CDIN1: variants seen among roughly 807,000 people sequenced by gnomAD.
CDIN1 encodes CDAN1-interacting nuclease 1.
Under a neutral mutation model 45.3 loss-of-function variants are expected in CDIN1, and 33 were observed. The observed-to-expected ratio is 0.73, with a 90% CI of 0.55 to 0.97. The LOEUF (loss-of-function observed/expected upper bound fraction) is 0.97. CDIN1 is among the 50% of genes least tolerant of loss of function. The pLI is 0.00. For synonymous variants in CDIN1, 118 were observed against 124.4 expected (o/e 0.95, Z 0.34); for missense variants, 303 against 339.4 (o/e 0.89, Z 0.84).
chr15:36,620,879 A>G (rs1454428017), intron 1 of CDIN1, among the ~76,000 whole-genome samples: 1 of 152,166 alleles, frequency 6.6e-6, no homozygotes, highest in Non-Finnish European at 1.5e-5. Flanking sequence ...CACCCAAAAA[A>G]TACAGTTTGG....
In CDIN1 at chr15:36,740,686, C is replaced by T. The variant is rs537636120; in HGVS notation, c.716+30725C>T. ...GGTGGATCACCCGAGGTCGGGAGTT[C>T]GAGACCAGCCTGACCAACACGGAGA... On this transcript the variant is annotated intron_variant, in intron 10 of 10. Transcript: ENST00000566621. Among the ~76,000 whole-genome samples the T allele has an allele frequency of 9.5e-4, 144 of 152,152 alleles. 1 individual carries two copies. The highest frequency in any genetic ancestry group is 3.3e-3 in the African/African-American group (139 of 41,508).
intron 1 of CDIN1, among the ~76,000 whole-genome samples, chr15:36,605,171 C>T (rs1230933361): frequency 3.3e-5 from 5 of 151,968 alleles, no homozygotes; most frequent in South Asian, 2.1e-4. Context: ...GTACTATAGC[C>T]GTGAAATCAC....
chr15:36,705,474 G>T (rs1321605665), intron 8 of CDIN1: 6 of 152,158 alleles, frequency 3.9e-5, no homozygotes, highest in African/African-American at 7.2e-5. Context: ...CAACTTGGTT[G>T]ACATGGGCAC....
At chr15:36,792,681 G>C (rs143198513) in intron 10 of CDIN1, among the ~76,000 whole-genome samples, 23 of 152,246 alleles carry the variant, frequency 1.5e-4, no homozygotes, top group South Asian at 1.0e-3. Context: ...AGCTGCAGTA[G>C]ATACTTTGGT....
intron 10 of CDIN1, among the ~76,000 whole-genome samples, chr15:36,745,577 G>A (rs1638303362): frequency 6.6e-6 from 1 of 151,750 alleles, no homozygotes. Flanking sequence ...TTGATTTTAG[G>A]CATCTATCAA....
chr15:36,718,226 C>T (rs1182557566), intron 10 of CDIN1, among the ~76,000 whole-genome samples: 1 of 152,020 alleles, frequency 6.6e-6, no homozygotes, highest in African/African-American at 2.4e-5. Flanking sequence ...GTTCCATCAT[C>T]GGTTTGTCTA....
intron 5 of CDIN1, among the ~76,000 whole-genome samples, chr15:36,678,300 C>G (rs773087878): frequency 1.4e-4 from 22 of 152,318 alleles, no homozygotes; most frequent in Middle Eastern, 3.4e-3. Flanking sequence ...AAGACACTGG[C>G]AGGTCAACCC....
intron 10 of CDIN1, among the ~76,000 whole-genome samples, chr15:36,780,840 C>A (rs2054332960): frequency 6.6e-6 from 1 of 152,130 alleles, no homozygotes; most frequent in Admixed American, 6.5e-5. Flanking sequence ...CAACACACGT[C>A]CAACTCCAAG....
chr15:36,789,721 T>C (rs1284128204), intron 10 of CDIN1, among the ~76,000 whole-genome samples: 1 of 152,178 alleles, frequency 6.6e-6, no homozygotes, highest in East Asian at 1.9e-4. Context: ...ATGTCCTTCC[T>C]CCTCGTGAAA....
chr15:36,654,041 A>G, intron 3 of CDIN1, 57 bp from the exon 4 acceptor site: 2 of 1,318,736 alleles, frequency 1.5e-6, no homozygotes, highest in Non-Finnish European at 2.1e-6. Flanking sequence ...GGATGCTGAC[A>G]AGTCTATGCT....
intron 5 of CDIN1, 43 bp from the exon 6 acceptor site, chr15:36,691,642 T>C: frequency 7.7e-7 from 1 of 1,291,938 alleles, no homozygotes; most frequent in Non-Finnish European, 1.1e-6. Context: ...GCATTAAAAG[T>C]ATGTTGACTA....
chr15:36,618,826 G>A, intron 1 of CDIN1: 1 of 808,270 alleles, frequency 1.2e-6, no homozygotes, highest in Non-Finnish European at 2.2e-6. Flanking sequence ...GTCTCAACCA[G>A]ACAACTATAC....
chr15:36,806,433 C>T (rs2055228505), intron 10 of CDIN1, among the ~76,000 whole-genome samples: 1 of 152,094 alleles, frequency 6.6e-6, no homozygotes, highest in Non-Finnish European at 1.5e-5. Context: ...TTATGACCTC[C>T]ATATATTCTT....
intron 1 of CDIN1, among the ~76,000 whole-genome samples, chr15:36,634,910 G>A (rs1265925891): frequency 6.6e-6 from 1 of 152,098 alleles, no homozygotes; most frequent in African/African-American, 2.4e-5. Context: ...ATAGGAATGT[G>A]TTTTTTAATT....
At chr15:36,752,110 G>GT (rs2053491600) in intron 10 of CDIN1, among the ~76,000 whole-genome samples, 1 of 152,164 alleles carries the variant, frequency 6.6e-6, no homozygotes, top group Admixed American at 6.6e-5. Context: ...GTTTACCTAT[G>GT]TAACAAACCT....
At chr15:36,616,136 C>T (rs1191153785) in intron 1 of CDIN1, among the ~76,000 whole-genome samples, 1 of 152,194 alleles carries the variant, frequency 6.6e-6, no homozygotes, top group Admixed American at 6.5e-5. Context: ...GCTGAAGGCA[C>T]ATCATATACA....
chr15:36,760,455 A>G (rs755631836), intron 10 of CDIN1, among the ~76,000 whole-genome samples: 1 of 152,204 alleles, frequency 6.6e-6, no homozygotes, highest in South Asian at 2.1e-4. Context: ...TAGTAACCTA[A>G]AACAAACAGA....
At chr15:36,716,469 G>A (rs1712477517) in intron 10 of CDIN1, among the ~76,000 whole-genome samples, 1 of 152,164 alleles carries the variant, frequency 6.6e-6, no homozygotes, top group African/African-American at 2.4e-5. Context: ...GTCTATTTCT[G>A]AGGCTAATTC....
At chr15:36,597,136 G>C (rs1003955617) in intron 1 of CDIN1, among the ~76,000 whole-genome samples, 10 of 152,150 alleles carry the variant, frequency 6.6e-5, no homozygotes, top group African/African-American at 2.4e-4. Flanking sequence ...GCCTATGACA[G>C]AGTTATTTTT....
Sources: allele counts gnomAD v4.1 joint callset (sites outside exome capture counted in the v4.1 genomes callset), GRCh38; gene constraint gnomAD v4.1.1; transcripts MANE v1.5; gene names NCBI Gene and HGNC (gene_info 2026-07-23, HGNC 2026-07-21).